The following RIMS2 variants were observed in gnomAD, a reference collection of about 807,000 sequenced individuals.
RIMS2 encodes regulating synaptic membrane exocytosis 2, also known as regulating synaptic membrane exocytosis protein 2.
RIMS2 carries 59 observed loss-of-function variants against 174.4 expected under a neutral mutation model. That is an observed-to-expected ratio of 0.34 (90% CI 0.27 to 0.42). The LOEUF (loss-of-function observed/expected upper bound fraction) is 0.42. Among genes scored for constraint, RIMS2 ranks in the 10% least tolerant of loss-of-function variants. The probability of loss-of-function intolerance (pLI) is 1.00; values close to 1 mark genes in which losing one functional copy is unlikely to be tolerated. For missense variants in RIMS2, 1,620 were observed against 1,666.3 expected (o/e 0.97, Z 0.48); for synonymous variants, 606 against 572.5 (o/e 1.06, Z -0.84).
intron 1 of RIMS2, among the ~76,000 whole-genome samples, chr8:103,595,394 G>T (rs1416702784): frequency 6.6e-6 from 1 of 151,808 alleles, no homozygotes; most frequent in Non-Finnish European, 1.5e-5. Context: ...ACAGTGTCTT[G>T]TCCCTCACCC....
At chr8:103,646,297 G>A (rs192820753) in intron 1 of RIMS2, among the ~76,000 whole-genome samples, 2 of 152,198 alleles carry the variant, frequency 1.3e-5, no homozygotes, top group African/African-American at 4.8e-5. Context: ...CTAAATGTGT[G>A]CCACGTGAGG....
In RIMS2 at chr8:103,559,675, A is replaced by G. The variant is rs148000615; in HGVS notation, c.176+58613A>G. On this transcript the variant is annotated intron_variant, in intron 1 of 23. Coordinates refer to ENST00000504942, the Ensembl canonical transcript of RIMS2. ...AGTGCTAGCACACTGAGGACATTCA[A>G]TAGATACTTAATGAAATTATATCAA... is the stretch of plus-strand genomic sequence containing the variant. Among the ~76,000 whole-genome samples, 471 of 152,356 alleles carry G rather than the reference A, an allele frequency of 3.1e-3. 2 individuals carry two copies. Among genetic ancestry groups the G allele is most frequent in the African/African-American group, 9.5e-3 (395 of 41,586 alleles).
At chr8:103,745,372 C>G (rs535264015) in intron 2 of RIMS2, among the ~76,000 whole-genome samples, 21 of 151,768 alleles carry the variant, frequency 1.4e-4, no homozygotes, top group Non-Finnish European at 2.4e-4. Flanking sequence ...ATTCATCAAT[C>G]GAAAGACACT....
Position 104,041,268 on chromosome 8 carries a change from C to T in RIMS2, c.3334+26653C>T, listed in dbSNP as rs73295582. On this transcript the variant is annotated intron_variant, in intron 19 of 23. Coordinates refer to ENST00000504942, the Ensembl canonical transcript of RIMS2. Reference sequence around the variant, plus strand: ...AGTGTCACTTTTTACCTTTTGAGTACATCCACTCACTCCCATCTCCTTTGT... The same window carrying T: ...AGTGTCACTTTTTACCTTTTGAGTATATCCACTCACTCCCATCTCCTTTGT... The T allele has an allele frequency of 2.6e-3, 1,570 of 614,070 alleles. 24 individuals carry two copies. Among genetic ancestry groups the T allele is most frequent in the African/African-American group, 0.025 (1,379 of 54,758 alleles). 38.0% of individuals were successfully genotyped at this position (614,070 alleles called of 1,614,324 possible). A position where few individuals can be genotyped will look rare whatever the true frequency, so the allele number is the denominator to read the frequency against.
At position 103,591,836 on chromosome 8, in the gene RIMS2, C is replaced by T. The variant is rs185084566; in HGVS notation, c.176+90774C>T. Reference sequence around the variant, plus strand: ...AGTATTGAAGATGGGATGTTTAAACCTCTTACCTTTTTTTCTTTCTCAGAG... The same window carrying T: ...AGTATTGAAGATGGGATGTTTAAACTTCTTACCTTTTTTTCTTTCTCAGAG... On this transcript the variant is annotated intron_variant, in intron 1 of 23. Coordinates refer to ENST00000504942, the Ensembl canonical transcript of RIMS2. Among the ~76,000 whole-genome samples, 499 of 151,152 alleles carry T rather than the reference C, an allele frequency of 3.3e-3. 3 individuals carry two copies. The highest frequency in any genetic ancestry group is 5.5e-3 in the Non-Finnish European group (372 of 67,266).
chr8:103,868,011 A>C (rs1317908651), intron 3 of RIMS2, among the ~76,000 whole-genome samples: 2 of 151,914 alleles, frequency 1.3e-5, no homozygotes, highest in African/African-American at 2.4e-5. Flanking sequence ...TTCTGTTACA[A>C]ATTTGTTTTT....
intron 1 of RIMS2, among the ~76,000 whole-genome samples, chr8:103,531,954 A>G (rs1329358837): frequency 3.9e-5 from 6 of 152,226 alleles, no homozygotes; most frequent in African/African-American, 1.4e-4. Flanking sequence ...AAATGACACT[A>G]TGCAATATTA....
intron 19 of RIMS2, among the ~76,000 whole-genome samples, chr8:104,101,837 T>A (rs12155943): frequency 0.19 from 28,924 of 152,144 alleles, 2,806 homozygotes; most frequent in South Asian, 0.31. Context: ...AGGCAAACTT[T>A]ATTTAGAATT....
At chr8:103,633,685 A>C (rs568983725) in intron 1 of RIMS2, among the ~76,000 whole-genome samples, 1 of 152,140 alleles carries the variant, frequency 6.6e-6, no homozygotes, top group South Asian at 2.1e-4. Flanking sequence ...TTTTCAGGCT[A>C]TTTATTACTG....
At chr8:104,243,598 A>G (rs2099314255) in intron 19 of RIMS2, among the ~76,000 whole-genome samples, 1 of 152,156 alleles carries the variant, frequency 6.6e-6, no homozygotes, top group African/African-American at 2.4e-5. Flanking sequence ...AGGCAGGAGA[A>G]TCACTTGAAC....
At chr8:103,769,116 C>T (rs2098217620) in intron 3 of RIMS2, 1 of 176,940 alleles carries the variant, frequency 5.7e-6, no homozygotes, top group African/African-American at 2.4e-5. Context: ...AAATTAACCA[C>T]ATGAGATAGC....
chr8:104,134,601 T>A (rs79052520), intron 19 of RIMS2, among the ~76,000 whole-genome samples: 3,016 of 152,324 alleles, frequency 0.02, 141 homozygotes, highest in East Asian at 0.15. Flanking sequence ...GCTGAACCAA[T>A]TGAGATGTCT....
chr8:103,667,176 A>G (rs1479915868), intron 1 of RIMS2, among the ~76,000 whole-genome samples: 2 of 152,168 alleles, frequency 1.3e-5, no homozygotes, highest in Admixed American at 1.3e-4. Context: ...ATCCCCTACA[A>G]CAGAATCTCT....
chr8:103,973,646 T>A lies in RIMS2; in HGVS notation c.2771-1704T>A, dbSNP rs77415638. On this transcript the variant is annotated intron_variant, in intron 15 of 23. Transcript: ENST00000504942. ...CATCAGTAAAGACCCACCAAGTACATATATCTAAGACAGAGTTTGTGACCA... is the reference window on the plus strand; with the variant it reads ...CATCAGTAAAGACCCACCAAGTACAAATATCTAAGACAGAGTTTGTGACCA... Among the ~76,000 whole-genome samples the A allele has an allele frequency of 8.5e-5, 13 of 152,256 alleles. No individual in the cohort carries two copies. In the East Asian group the frequency reaches 9.6e-4, roughly 11 times the overall value.
chr8:104,121,832 C>T (rs1239478145), intron 19 of RIMS2, among the ~76,000 whole-genome samples: 1 of 152,080 alleles, frequency 6.6e-6, no homozygotes, highest in African/African-American at 2.4e-5. Flanking sequence ...CGTGGTGACA[C>T]ACGCCTGTAA....
At chr8:104,245,208 C>A in intron 20 of RIMS2, 151 bp downstream of exon 26, 1 of 708,100 alleles carries the variant, frequency 1.4e-6, no homozygotes. Flanking sequence ...TGCTCACCTG[C>A]CACTGAACAA....
exon 22 of RIMS2, chr8:104,249,582 C>G (rs2099352242): frequency 6.4e-7 from 1 of 1,569,096 alleles, no homozygotes; most frequent in African/African-American, 1.4e-5. Flanking sequence ...TTCCAAGACA[C>G]TGCCAGGTAA....
chr8:104,029,862 A>C (rs2096350236), intron 19 of RIMS2, among the ~76,000 whole-genome samples: 1 of 152,162 alleles, frequency 6.6e-6, no homozygotes, highest in African/African-American at 2.4e-5. Context: ...TTTCTTAATT[A>C]TTCGTAGATA....
At chr8:104,042,085 T>C (rs1054747373) in intron 19 of RIMS2, among the ~76,000 whole-genome samples, 8 of 151,280 alleles carry the variant, frequency 5.3e-5, no homozygotes, top group African/African-American at 1.7e-4. Flanking sequence ...TTTATATATA[T>C]ATAAAATATG....
Sources: allele counts gnomAD v4.1 joint callset (sites outside exome capture counted in the v4.1 genomes callset), GRCh38; gene constraint gnomAD v4.1.1; transcripts MANE v1.5; gene names NCBI Gene and HGNC (gene_info 2026-07-23, HGNC 2026-07-21).